The following SGMS1 variants were observed in gnomAD, a reference collection of about 807,000 sequenced individuals.
SGMS1 encodes phosphatidylcholine:ceramide cholinephosphotransferase 1.
Under a neutral mutation model 46.2 loss-of-function variants are expected in SGMS1, and 13 were observed. The ratio of observed to expected loss-of-function variants is 0.28; its 90% confidence interval spans 0.18 to 0.45. The LOEUF (loss-of-function observed/expected upper bound fraction) is 0.45. Ranked by LOEUF, SGMS1 falls within the 20% of genes least tolerant of loss-of-function variation. The pLI is 1.00. For synonymous variants in SGMS1, 203 were observed against 187.8 expected (o/e 1.08, Z -0.66); for missense variants, 324 against 519.9 (o/e 0.62, Z 3.66).
intron 3 of SGMS1, among the ~76,000 whole-genome samples, chr10:50,479,829 A>C (rs1057343491): frequency 2.0e-5 from 3 of 152,090 alleles, no homozygotes; most frequent in Non-Finnish European, 4.4e-5. Context: ...ATGTATGGAT[A>C]TTTCTCATAG....
At chr10:50,351,691 C>G (rs1589399940) in intron 6 of SGMS1, among the ~76,000 whole-genome samples, 1 of 152,124 alleles carries the variant, frequency 6.6e-6, no homozygotes, top group Non-Finnish European at 1.5e-5. Context: ...GTAAGAAGTG[C>G]CTTTTGCCTC....
chr10:50,472,176 G>A (rs577171839), intron 3 of SGMS1, among the ~76,000 whole-genome samples: 2 of 152,000 alleles, frequency 1.3e-5, no homozygotes, highest in Non-Finnish European at 2.9e-5. Context: ...ATTAAATCAG[G>A]CTAACACATC....
At chr10:50,501,413 A>G (rs1588855654) in intron 3 of SGMS1, among the ~76,000 whole-genome samples, 1 of 152,206 alleles carries the variant, frequency 6.6e-6, no homozygotes, top group African/African-American at 2.4e-5. Context: ...ACTTTATATT[A>G]TATACAAAAG....
At chr10:50,500,168 A>G (rs1402677725) in intron 3 of SGMS1, among the ~76,000 whole-genome samples, 5 of 152,188 alleles carry the variant, frequency 3.3e-5, no homozygotes, top group Non-Finnish European at 7.3e-5. Context: ...ACTCCATCTC[A>G]AAAACAAACT....
intron 2 of SGMS1, among the ~76,000 whole-genome samples, chr10:50,547,816 C>T (rs1838114540): frequency 6.6e-6 from 1 of 152,138 alleles, no homozygotes; most frequent in African/African-American, 2.4e-5. Context: ...AAACCAAATC[C>T]AGCAACACAT....
intron 2 of SGMS1, among the ~76,000 whole-genome samples, chr10:50,550,879 A>C (rs1838143134): frequency 1.3e-5 from 2 of 152,216 alleles, no homozygotes; most frequent in South Asian, 4.1e-4. Context: ...AACCAAATAA[A>C]TAATGTAGTA....
At chr10:50,505,591 T>G (rs1837699606) in intron 3 of SGMS1, among the ~76,000 whole-genome samples, 1 of 152,202 alleles carries the variant, frequency 6.6e-6, no homozygotes, top group Admixed American at 6.5e-5. Context: ...AAACTCATGA[T>G]TCTTTCAACA....
intron 6 of SGMS1, among the ~76,000 whole-genome samples, chr10:50,395,329 A>C (rs1242223206): frequency 6.6e-6 from 1 of 152,136 alleles, no homozygotes; most frequent in Non-Finnish European, 1.5e-5. Context: ...ATTTGACTAC[A>C]GTTAAAGTGC....
chr10:50,508,239 A>T (rs1400078631), intron 3 of SGMS1, among the ~76,000 whole-genome samples: 1 of 152,222 alleles, frequency 6.6e-6, no homozygotes, highest in Non-Finnish European at 1.5e-5. Flanking sequence ...AAGAGTATTC[A>T]AAGATTTACC....
chr10:50,344,257 G>T lies in SGMS1; in HGVS notation c.-143C>A. The T allele has an allele frequency of 8.5e-7, 1 of 1,171,796 alleles. No homozygotes were observed. Among genetic ancestry groups the T allele is most frequent in the East Asian group, 2.4e-5 (1 of 40,958 alleles). The allele number at this position is 1,171,796 out of a possible 1,614,324, so 72.6% of individuals were successfully genotyped here. A position where few individuals can be genotyped will look rare whatever the true frequency, so the allele number is the denominator to read the frequency against. ...AGAGACTTGTTTGGCAAGATGGTCA[G>T]GGCAGTTTTTAAACACCTCATGTAG... On this transcript the variant is annotated 5_prime_UTR_variant, in exon 7 of 11. In the 5' UTR this introduces an upstream ATG that the reference lacks. Coordinates refer to ENST00000361781, the MANE Select transcript of SGMS1 (RefSeq NM_147156.4).
intron 2 of SGMS1, among the ~76,000 whole-genome samples, chr10:50,562,696 C>A (rs915223413): frequency 3.3e-5 from 5 of 152,086 alleles, no homozygotes; most frequent in South Asian, 4.1e-4. Context: ...GGCGCCCGCC[C>A]CTATGCCCGG....
At chr10:50,360,096 A>G (rs1373982097) in intron 6 of SGMS1, among the ~76,000 whole-genome samples, 2 of 152,200 alleles carry the variant, frequency 1.3e-5, no homozygotes, top group African/African-American at 4.8e-5. Context: ...TGTTTCCTTC[A>G]TTAGCTTTCT....
chr10:50,370,677 T>C (rs1589411022), intron 6 of SGMS1, among the ~76,000 whole-genome samples: 1 of 151,328 alleles, frequency 6.6e-6, no homozygotes, highest in Non-Finnish European at 1.5e-5. Context: ...GGAGGCAACG[T>C]TTGCAGTGAG....
At chr10:50,384,817 C>T (rs1402443894) in intron 6 of SGMS1, among the ~76,000 whole-genome samples, 1 of 152,174 alleles carries the variant, frequency 6.6e-6, no homozygotes, top group Non-Finnish European at 1.5e-5. Flanking sequence ...CTGAGGCATA[C>T]CCTTCACCCA....
chr10:50,466,843 A>G (rs533012989), intron 4 of SGMS1, 47 bp downstream of exon 4: 2 of 152,336 alleles, frequency 1.3e-5, no homozygotes, highest in African/African-American at 4.8e-5. Context: ...AGAACACAGA[A>G]AATACAAATT....
At chr10:50,423,150 C>G (rs567068560) in intron 6 of SGMS1, among the ~76,000 whole-genome samples, 5 of 152,308 alleles carry the variant, frequency 3.3e-5, no homozygotes, top group Non-Finnish European at 4.4e-5. Context: ...CACATTGGCT[C>G]TAAATATCCC....
At chr10:50,391,705 G>T (rs1397660579) in intron 6 of SGMS1, among the ~76,000 whole-genome samples, 2 of 152,062 alleles carry the variant, frequency 1.3e-5, no homozygotes, top group African/African-American at 2.4e-5. Context: ...CTATCATAAA[G>T]AATGTGCACA....
At chr10:50,563,601 G>A (rs1257234603) in intron 2 of SGMS1, among the ~76,000 whole-genome samples, 1 of 150,730 alleles carries the variant, frequency 6.6e-6, no homozygotes, top group Non-Finnish European at 1.5e-5. Flanking sequence ...AAATTAGCCG[G>A]GCGTAGTGGC....
chr10:50,375,719 G>T (rs552227949), intron 6 of SGMS1, among the ~76,000 whole-genome samples: 2 of 152,350 alleles, frequency 1.3e-5, no homozygotes, highest in South Asian at 4.1e-4. Flanking sequence ...ATAGATGGCA[G>T]AAGGCAAACA....
Sources: allele counts gnomAD v4.1 joint callset (sites outside exome capture counted in the v4.1 genomes callset), GRCh38; gene constraint gnomAD v4.1.1; transcripts MANE v1.5; gene names NCBI Gene and HGNC (gene_info 2026-07-23, HGNC 2026-07-21).